IFT25: variants seen among roughly 807,000 people sequenced by gnomAD.
IFT25 encodes intraflagellar transport 25, also known as intraflagellar transport protein 25 homolog.
chr1:53,929,737 C>G, the IFT25 span: 1 of 233,564 alleles, frequency 4.3e-6, no homozygotes, highest in Non-Finnish European at 8.1e-6. Context: ...CCTAATAGGG[C>G]CTTTTGCCAA....
At chr1:53,914,082 G>T in the IFT25 span, among the ~76,000 whole-genome samples, 1 of 152,162 alleles carries the variant, frequency 6.6e-6, no homozygotes, top group East Asian at 1.9e-4. Flanking sequence ...ATTCTCTCCA[G>T]CTCCATCTTC....
the IFT25 span, among the ~76,000 whole-genome samples, chr1:53,935,208 G>A: frequency 6.6e-6 from 1 of 152,174 alleles, no homozygotes; most frequent in Non-Finnish European, 1.5e-5. Flanking sequence ...AGCTACTCGG[G>A]AGGCTGAGGC....
chr1:53,928,247 TAA>T, the IFT25 span: 1 of 736,382 alleles, frequency 1.4e-6, no homozygotes, highest in African/African-American at 1.8e-5. Context: ...TTCTAGACCC[TAA>T]ATGTGTCACA....
chr1:53,945,863 C>G, the IFT25 span: 1 of 147,056 alleles, frequency 6.8e-6, no homozygotes, highest in Non-Finnish European at 1.5e-5. Flanking sequence ...ACCCCGCCAC[C>G]GCGGCCTCCA....
At chr1:53,911,700 A>C in the IFT25 span, among the ~76,000 whole-genome samples, 6 of 152,304 alleles carry the variant, frequency 3.9e-5, no homozygotes, top group African/African-American at 1.4e-4. Context: ...CAGAACTAGT[A>C]AGTAACAAGC....
At chr1:53,926,911 GACA>G in the IFT25 span, among the ~76,000 whole-genome samples, 1 of 151,690 alleles carries the variant, frequency 6.6e-6, no homozygotes, top group Non-Finnish European at 1.5e-5. Context: ...TTTTTGTAGA[GACA>G]ACATCTTGCC....
the IFT25 span, among the ~76,000 whole-genome samples, chr1:53,934,489 T>C: frequency 6.6e-6 from 1 of 152,274 alleles, no homozygotes; most frequent in African/African-American, 2.4e-5. Flanking sequence ...TGTATTTATC[T>C]AGCTTGGGGC....
At chr1:53,920,409 T>TTTC in the IFT25 span, among the ~76,000 whole-genome samples, 358 of 150,584 alleles carry the variant, frequency 2.4e-3, 1 homozygote, top group African/African-American at 8.4e-3. Context: ...TTTTTTTTTT[T>TTTC]CTAATAAGAG....
the IFT25 span, among the ~76,000 whole-genome samples, chr1:53,927,770 T>G: frequency 4.2e-4 from 64 of 152,318 alleles, no homozygotes; most frequent in African/African-American, 1.5e-3. Flanking sequence ...TGTCAAGACC[T>G]TAGGTTATAA....
chr1:53,941,853 A>G, the IFT25 span, among the ~76,000 whole-genome samples: 1 of 152,214 alleles, frequency 6.6e-6, no homozygotes, highest in South Asian at 2.1e-4. Flanking sequence ...CCCATCTGGA[A>G]CATGTTCTAA....
the IFT25 span, among the ~76,000 whole-genome samples, chr1:53,933,113 A>G: frequency 2.0e-5 from 3 of 149,052 alleles, no homozygotes; most frequent in African/African-American, 7.4e-5. Flanking sequence ...TACACTTAGG[A>G]TTATCCTCTC....
At chr1:53,924,861 T>C in the IFT25 span, among the ~76,000 whole-genome samples, 113 of 152,212 alleles carry the variant, frequency 7.4e-4, no homozygotes, top group African/African-American at 6.7e-4. Context: ...ACAAAAAAGA[T>C]AGCTAATGAC....
the IFT25 span, chr1:53,916,668 C>T: frequency 9.7e-6 from 3 of 308,236 alleles, no homozygotes; most frequent in Non-Finnish European, 1.8e-5. Context: ...CAAGAAAATA[C>T]CTGAAAGCCT....
At chr1:53,941,416 T>C in the IFT25 span, among the ~76,000 whole-genome samples, 1 of 152,172 alleles carries the variant, frequency 6.6e-6, no homozygotes, top group East Asian at 1.9e-4. Context: ...AAAAATGCAT[T>C]TCTTCTTAGT....
chr1:53,924,037 C>A, the IFT25 span: 1 of 816,656 alleles, frequency 1.2e-6, no homozygotes. Context: ...AATATGATAT[C>A]TGGTAAATTA....
the IFT25 span, among the ~76,000 whole-genome samples, chr1:53,922,394 CAAA>C: frequency 0.018 from 1,681 of 94,690 alleles, 34 homozygotes; most frequent in African/African-American, 0.047. Context: ...AATTCCGTCT[CAAA>C]AAAAAAAAAA....
chr1:53,941,884 A>G, the IFT25 span, among the ~76,000 whole-genome samples: 1 of 152,228 alleles, frequency 6.6e-6, no homozygotes, highest in Non-Finnish European at 1.5e-5. Context: ...AAAGCTTCAG[A>G]CAAAGCTTCT....
chr1:53,923,007 G>A, the IFT25 span, among the ~76,000 whole-genome samples: 7 of 152,136 alleles, frequency 4.6e-5, no homozygotes, highest in African/African-American at 1.7e-4. Context: ...ATATACGAAA[G>A]GTAGCAGGGG....
the IFT25 span, among the ~76,000 whole-genome samples, chr1:53,943,344 T>C: frequency 2.6e-5 from 4 of 152,192 alleles, no homozygotes; most frequent in Admixed American, 2.6e-4. Context: ...GAATAGATAA[T>C]GAAAGATCTG....
Sources: allele counts gnomAD v4.1 joint callset (sites outside exome capture counted in the v4.1 genomes callset), GRCh38; gene constraint gnomAD v4.1.1; transcripts MANE v1.5; gene names NCBI Gene and HGNC (gene_info 2026-07-23, HGNC 2026-07-21).